TP53BP2: variants seen among roughly 807,000 people sequenced by gnomAD.
TP53BP2 encodes tumor protein p53 binding protein 2, also known as apoptosis-stimulating of p53 protein 2.
Under a neutral mutation model 126.2 loss-of-function variants are expected in TP53BP2, and 62 were observed. The observed-to-expected ratio is 0.49, with a 90% CI of 0.40 to 0.61. TP53BP2 has a LOEUF of 0.61. TP53BP2 is among the 20% of genes least tolerant of loss of function. TP53BP2 has a pLI of 0.00. For synonymous variants in TP53BP2, 485 were observed against 502.9 expected, an observed-to-expected ratio of 0.96 and a Z score of 0.48; for missense variants, 1,215 against 1,402.8, an observed-to-expected ratio of 0.87 and a Z score of 2.14.
chr1:223,802,079 G>A (rs1040698385), intron 9 of TP53BP2, 37 bp downstream of exon 9: 2 of 1,571,896 alleles, frequency 1.3e-6, no homozygotes, highest in Non-Finnish European at 1.7e-6. Flanking sequence ...AAAGAATAGT[G>A]GGGACAGGAA....
chr1:223,788,994 T>C lies in TP53BP2; in HGVS notation c.3163+14A>G. On this transcript the variant is annotated intron_variant, in intron 16 of 17. Coordinates refer to ENST00000343537, the MANE Select transcript of TP53BP2 (RefSeq NM_001031685.3). The stretch of plus-strand genomic sequence containing the variant: ...ATGCAGTAATCAATACATTTAGTTC[T>C]ACTTGTCACATACCATAAAGAAATT... The C allele has an allele frequency of 6.8e-6, 11 of 1,612,406 alleles. No individual in the cohort carries two copies. Among genetic ancestry groups the C allele is most frequent in the Non-Finnish European group, 9.3e-6 (11 of 1,178,740 alleles).
rs769696723 is a variant in TP53BP2, at chr1:223,795,837, G to A, written c.2702C>T (p.Thr901Ile). Residue 901 changes from threonine (T) to isoleucine (I), a missense_variant, in exon 13 of 18, where the codon ACC becomes ATC. Around this residue, in one of 4 missense-constraint regions of TP53BP2, gnomAD observed 204 missense variants for 225.7 expected, o/e 0.90. Coordinates refer to ENST00000343537, the MANE Select transcript of TP53BP2 (RefSeq NM_001031685.3). Reference sequence around the variant, plus strand: ...TACAGGAGGCAGAGAGACCTGCCCGGTGATTTCAGGCGGGCGCATGCTCAC... The same window carrying A: ...TACAGGAGGCAGAGAGACCTGCCCGATGATTTCAGGCGGGCGCATGCTCAC... ...DSVSMRPPEI[T>I]GQVSLPPGKR... 72 of 1,556,342 alleles carry A rather than the reference G, an allele frequency of 4.6e-5. No homozygotes were observed. Among genetic ancestry groups the A allele is most frequent in the Non-Finnish European group, 6.0e-5 (69 of 1,152,266 alleles).
intron 11 of TP53BP2, among the ~76,000 whole-genome samples, chr1:223,799,416 T>C (rs534471422): frequency 2.5e-4 from 38 of 152,354 alleles, no homozygotes; most frequent in Non-Finnish European, 4.1e-4. Context: ...TTGAAAACTT[T>C]TACTGTCATC....
intron 4 of TP53BP2, among the ~76,000 whole-genome samples, chr1:223,809,332 A>C (rs1172480493): frequency 1.3e-5 from 2 of 152,100 alleles, no homozygotes; most frequent in Non-Finnish European, 2.9e-5. Flanking sequence ...TTTGGGAGGC[A>C]GAGGTGGGTG....
intron 1 of TP53BP2, among the ~76,000 whole-genome samples, chr1:223,838,948 A>AGAACTATCT (rs1664014206): frequency 6.6e-6 from 1 of 152,020 alleles, no homozygotes; most frequent in South Asian, 2.1e-4. Flanking sequence ...AGTTGATAAG[A>AGAACTATCT]GAACTATCTG....
chr1:223,817,141 G>A (rs747616863), intron 2 of TP53BP2, among the ~76,000 whole-genome samples: 3 of 148,478 alleles, frequency 2.0e-5, no homozygotes, highest in Non-Finnish European at 3.0e-5. Context: ...CAGCCTGGGC[G>A]ACACAGCAAG....
Position 223,845,642 on chromosome 1 carries a change from T to C in TP53BP2, c.27+12A>G. ...CTTCCGGGCCCGACGCCCTGGCCGC[T>C]CGCCCACTTACCGGCATCATCTTGG... On this transcript the variant is annotated intron_variant, in intron 1 of 17. Transcript: ENST00000343537. The C allele has an allele frequency of 6.4e-7, 1 of 1,551,986 alleles. No homozygotes were observed. Among genetic ancestry groups the C allele is most frequent in the Non-Finnish European group, 8.6e-7 (1 of 1,157,764 alleles).
rs781246838 is a variant in TP53BP2, at chr1:223,802,260, T to C, written c.1081A>G (p.Thr361Ala). ...AAVGPYIQSS[T>A]MPRMPSRPEL... The stretch of plus-strand genomic sequence containing the variant: ...GGCCTTGAGGGCATCCGAGGCATAG[T>C]AGACGACTGGATATAGGGACCTACT... The change falls in exon 9 of 18, where the codon ACT (threonine) becomes GCT (alanine). Residue 361 changes from threonine (T) to alanine (A), a missense_variant. This residue lies in a region of TP53BP2 where 814 missense variants were observed against 853.0 expected (regional missense o/e 0.95). Transcript: ENST00000343537. The C allele has an allele frequency of 8.7e-6, 14 of 1,614,102 alleles. No homozygotes were observed. The highest frequency in any genetic ancestry group is 8.5e-6 in the Non-Finnish European group (10 of 1,180,048).
intron 1 of TP53BP2, among the ~76,000 whole-genome samples, chr1:223,828,641 T>C (rs898014635): frequency 6.6e-6 from 1 of 152,216 alleles, no homozygotes; most frequent in African/African-American, 2.4e-5. Context: ...AATGGAATAT[T>C]ATTCAGCCAT....
intron 16 of TP53BP2, among the ~76,000 whole-genome samples, chr1:223,787,238 T>C (rs1662001981): frequency 6.6e-6 from 1 of 152,102 alleles, no homozygotes; most frequent in Non-Finnish European, 1.5e-5. Context: ...CGCCCATAAC[T>C]TCAGCACTTT....
At chr1:223,836,331 C>T (rs997717131) in intron 1 of TP53BP2, among the ~76,000 whole-genome samples, 2 of 152,168 alleles carry the variant, frequency 1.3e-5, no homozygotes, top group Admixed American at 6.5e-5. Flanking sequence ...GAAGGAAGGC[C>T]GAATGAACCA....
chr1:223,814,567 G>A (rs1663020715), intron 2 of TP53BP2, among the ~76,000 whole-genome samples: 1 of 152,194 alleles, frequency 6.6e-6, no homozygotes, highest in Non-Finnish European at 1.5e-5. Context: ...ACTACAAAAG[G>A]CAATGCATCT....
chr1:223,803,287 A>G lies in TP53BP2; in HGVS notation c.815T>C (p.Leu272Pro). The G allele has an allele frequency of 6.2e-7, 1 of 1,611,804 alleles. No homozygotes were observed. Among genetic ancestry groups the G allele is most frequent in the Non-Finnish European group, 8.5e-7 (1 of 1,179,374 alleles). ...NQSAVAELDR[L>P]YKELQLRNKL... Reference sequence around the variant, plus strand: ...ACGGTCTACCTGCAGCTCCTTATAGAGGCGATCAAGCTCAGCCACTGCAGA... The same window carrying G: ...ACGGTCTACCTGCAGCTCCTTATAGGGGCGATCAAGCTCAGCCACTGCAGA... The change falls in exon 7 of 18, where the codon CTC (leucine) becomes CCC (proline). Residue 272 changes from leucine (L) to proline (P), a missense_variant. Transcript: ENST00000343537.
rs915727752 is a variant in TP53BP2, at chr1:223,798,794, G to A, written c.1486-117C>T. The A allele has an allele frequency of 1.5e-4, 135 of 923,288 alleles. 2 individuals are homozygous for A. The highest frequency in any genetic ancestry group is 7.4e-4 in the South Asian group (42 of 56,416). The allele number at this position is 923,288 out of a possible 1,614,324, so 57.2% of individuals were successfully genotyped here. On this transcript the variant is annotated intron_variant, in intron 11 of 17. Transcript: ENST00000343537. ...CACTATAAAAATATTAGCTCTGGCC[G>A]GGTGCAGGGGCTCACACCTGTAATC...
Position 223,795,763 on chromosome 1 carries a change from C to T in TP53BP2, c.2724+52G>A. On this transcript the variant is annotated intron_variant, in intron 13 of 17. Transcript: ENST00000343537. ...AGATGAATGTGACCACCAAGAAAAT[C>T]GTAACAAAGTAAAGGACTCCGGAAA... The T allele has an allele frequency of 2.2e-6, 3 of 1,387,396 alleles. No individual in the cohort carries two copies. The South Asian group carries it at 6.5e-5, about 30-fold the overall frequency. 85.9% of individuals were successfully genotyped at this position (1,387,396 alleles called of 1,614,324 possible). A position where few individuals can be genotyped will look rare whatever the true frequency, so the allele number is the denominator to read the frequency against.
chr1:223,800,379 G>A (rs1662487674), intron 10 of TP53BP2, among the ~76,000 whole-genome samples: 1 of 152,128 alleles, frequency 6.6e-6, no homozygotes, highest in Non-Finnish European at 1.5e-5. Flanking sequence ...TTGAGCCCAG[G>A]AGTCCAGTCT....
At position 223,792,244 on chromosome 1, in the gene TP53BP2, T is replaced by C. The variant is rs991869415; in HGVS notation, c.2996+145A>G. 6.6e-6 allele frequency: 6 copies of C among 914,128 alleles called. No individual in the cohort carries two copies. The African/African-American group carries it at 6.7e-5, about 10-fold the overall frequency. The allele number at this position is 914,128 out of a possible 1,614,324, so 56.6% of individuals were successfully genotyped here. A position where few individuals can be genotyped will look rare whatever the true frequency, so the allele number is the denominator to read the frequency against. On this transcript the variant is annotated intron_variant, in intron 15 of 17. Transcript: ENST00000343537. ...TGAACACATGTTAATTCCTCAAAAA[T>C]AGATACCACATTTCTCCAGCTAGAT... is the stretch of plus-strand genomic sequence containing the variant.
intron 1 of TP53BP2, among the ~76,000 whole-genome samples, chr1:223,837,030 G>A (rs2102889192): frequency 6.6e-6 from 1 of 151,952 alleles, no homozygotes; most frequent in African/African-American, 2.4e-5. Context: ...TTGTTGTGAT[G>A]CAGAAAACAC....
intron 15 of TP53BP2, among the ~76,000 whole-genome samples, chr1:223,789,398 G>C (rs58753599): frequency 0.039 from 5,883 of 152,270 alleles, 371 homozygotes; most frequent in African/African-American, 0.13. Flanking sequence ...CAATGGGGCT[G>C]GGAGCTTAGC....
Sources: gnomAD v4.1 joint callset for allele counts (sites outside exome capture counted in the v4.1 genomes callset) on GRCh38, gnomAD v4.1.1 for gene constraint, gnomAD v4.1.1 regional missense constraint, MANE v1.5 for transcripts, NCBI Gene and HGNC (gene_info 2026-07-23, HGNC 2026-07-21) for gene names.